The following RHBDD1 variants were observed in gnomAD, a reference collection of about 807,000 sequenced individuals.
RHBDD1 encodes the protein rhomboid domain containing 1, also known as rhomboid-related protein 4.
RHBDD1 carries 38 observed loss-of-function variants against 36.3 expected under a neutral mutation model. The ratio of observed to expected loss-of-function variants is 1.05; its 90% CI spans 0.81 to 1.37. RHBDD1 has a LOEUF of 1.37. Ranked by LOEUF, RHBDD1 falls within the 40% of genes most tolerant of loss-of-function variation. The pLI is 0.00. For synonymous variants in RHBDD1, 151 were observed against 136.5 expected (o/e 1.11, Z -0.74); for missense variants, 393 against 377.6 (o/e 1.04, Z -0.34).
At chr2:226,881,085 G>A (rs559436104) in intron 5 of RHBDD1, among the ~76,000 whole-genome samples, 2 of 152,300 alleles carry the variant, frequency 1.3e-5, no homozygotes, top group East Asian at 3.9e-4. Context: ...TGAAGGGGAA[G>A]CAAGGCAACA....
At chr2:226,869,243 A>G in intron 5 of RHBDD1, 1 of 934,260 alleles carries the variant, frequency 1.1e-6, no homozygotes, top group Non-Finnish European at 1.3e-6. Context: ...AAGTAAATGA[A>G]ATTTCCTGTC....
At chr2:226,814,685 T>G in the RHBDD1 span, among the ~76,000 whole-genome samples, 1 of 152,026 alleles carries the variant, frequency 6.6e-6, no homozygotes, top group African/African-American at 2.4e-5. Flanking sequence ...TTGAAACAAA[T>G]TGGATATTTG....
chr2:226,812,855 T>C, the RHBDD1 span, among the ~76,000 whole-genome samples: 4 of 152,206 alleles, frequency 2.6e-5, no homozygotes, highest in Admixed American at 2.0e-4. Flanking sequence ...TTCAGAACAA[T>C]AAAAACCTTA....
At chr2:226,987,712 A>T (rs760027400) in intron 8 of RHBDD1, among the ~76,000 whole-genome samples, 2 of 152,340 alleles carry the variant, frequency 1.3e-5, no homozygotes, top group Non-Finnish European at 2.9e-5. Flanking sequence ...GGTGGACCCC[A>T]GATATGAACC....
At chr2:226,983,744 T>C (rs1008207100) in intron 8 of RHBDD1, among the ~76,000 whole-genome samples, 3 of 152,192 alleles carry the variant, frequency 2.0e-5, no homozygotes, top group African/African-American at 7.2e-5. Context: ...TAATTTCAAA[T>C]GGTCTTTGAT....
At chr2:226,907,757 G>A (rs1335125127) in intron 6 of RHBDD1, among the ~76,000 whole-genome samples, 1 of 152,192 alleles carries the variant, frequency 6.6e-6, no homozygotes, top group African/African-American at 2.4e-5. Context: ...TACAGGCTGT[G>A]TTGCATTTAA....
chr2:226,869,997 G>A (rs1383475117), intron 5 of RHBDD1, among the ~76,000 whole-genome samples: 1 of 152,206 alleles, frequency 6.6e-6, no homozygotes, highest in African/African-American at 2.4e-5. Flanking sequence ...CTTCTAGCGA[G>A]ATTATGAACC....
intron 8 of RHBDD1, among the ~76,000 whole-genome samples, chr2:226,981,219 G>T (rs548576946): frequency 1.3e-5 from 2 of 152,176 alleles, no homozygotes; most frequent in African/African-American, 4.8e-5. Flanking sequence ...GCCTGTCATG[G>T]GGTGAGGGAT....
chr2:226,963,320 TTACAA>T (rs1462026249), intron 8 of RHBDD1, among the ~76,000 whole-genome samples: 1 of 152,248 alleles, frequency 6.6e-6, no homozygotes, highest in African/African-American at 2.4e-5. Context: ...ATTCCTTGAA[TTACAA>T]TACTTCCTTC....
intron 6 of RHBDD1, among the ~76,000 whole-genome samples, chr2:226,907,476 T>G (rs1172777288): frequency 6.6e-6 from 1 of 152,232 alleles, no homozygotes; most frequent in East Asian, 1.9e-4. Context: ...TTTAGACCTC[T>G]TAATTTTCAA....
chr2:226,870,651 A>G (rs1640550575), intron 5 of RHBDD1, among the ~76,000 whole-genome samples: 4 of 152,210 alleles, frequency 2.6e-5, no homozygotes, highest in Non-Finnish European at 5.9e-5. Context: ...TTAACTATCA[A>G]TAGCCTACTA....
rs374285478 is a variant in RHBDD1 at position 226,967,168 on chromosome 2, G to A, written c.857-28263G>A. 5.7e-4 allele frequency among the ~76,000 whole-genome samples: 86 copies of A among 152,210 alleles called. No homozygotes were observed. In the South Asian group the frequency reaches 0.011, roughly 19 times the overall value. On this transcript the variant is annotated intron_variant, in intron 8 of 8. Coordinates refer to ENST00000392062, the MANE Select transcript of RHBDD1 (RefSeq NM_001167608.3). ...TGTGAAGTGGCCCCCGTTCCCAAGA[G>A]TAAATTGCATAAATCCCACATAACA...
intron 8 of RHBDD1, among the ~76,000 whole-genome samples, chr2:226,914,900 A>G (rs956573415): frequency 3.9e-5 from 6 of 152,082 alleles, no homozygotes; most frequent in African/African-American, 1.4e-4. Flanking sequence ...ATATTTTGCC[A>G]TGTTTGTTCT....
At chr2:226,993,776 C>T (rs1330864466) in intron 8 of RHBDD1, among the ~76,000 whole-genome samples, 1 of 152,134 alleles carries the variant, frequency 6.6e-6, no homozygotes, top group Non-Finnish European at 1.5e-5. Flanking sequence ...TTTTGAATTT[C>T]TCTTTGACAA....
At chr2:226,925,743 T>C (rs1949623813) in intron 8 of RHBDD1, among the ~76,000 whole-genome samples, 1 of 152,248 alleles carries the variant, frequency 6.6e-6, no homozygotes, top group Non-Finnish European at 1.5e-5. Context: ...ACTAGTTTCG[T>C]GTGCTGTTCA....
chr2:226,980,621 T>C (rs1229524802), intron 8 of RHBDD1, among the ~76,000 whole-genome samples: 5 of 152,154 alleles, frequency 3.3e-5, no homozygotes, highest in African/African-American at 9.7e-5. Context: ...CTTAATTAAA[T>C]CTGTAGGGTT....
chr2:226,952,293 G>GTTT (rs5839184), intron 8 of RHBDD1, among the ~76,000 whole-genome samples: 4 of 71,226 alleles, frequency 5.6e-5, no homozygotes, highest in African/African-American at 1.6e-4. Context: ...TTTTGGTTTG[G>GTTT]TTTTTTTTTT....
chr2:226,976,233 T>G (rs1954552923), intron 8 of RHBDD1, among the ~76,000 whole-genome samples: 1 of 147,620 alleles, frequency 6.8e-6, no homozygotes, highest in Non-Finnish European at 1.5e-5. Context: ...CCATTGTCAC[T>G]TAAGTCCTCT....
intron 8 of RHBDD1, among the ~76,000 whole-genome samples, chr2:226,931,490 A>G (rs1186301497): frequency 1.3e-5 from 2 of 152,022 alleles, no homozygotes; most frequent in Non-Finnish European, 2.9e-5. Context: ...GAGACTCAGA[A>G]GGGGAAAGGG....
Sources: gnomAD v4.1 joint callset for allele counts (sites outside exome capture counted in the v4.1 genomes callset) on GRCh38, gnomAD v4.1.1 for gene constraint, MANE v1.5 for transcripts, NCBI Gene and HGNC (gene_info 2026-07-23, HGNC 2026-07-21) for gene names.